NR3C1: variants seen among roughly 807,000 people sequenced by gnomAD.
The protein encoded by NR3C1 is nuclear receptor subfamily 3 group C member 1.
NR3C1 carries 14 observed loss-of-function variants against 74.0 expected under a neutral mutation model. The ratio of observed to expected loss-of-function variants is 0.19; its 90% CI spans 0.12 to 0.30. The LOEUF (loss-of-function observed/expected upper bound fraction) is 0.30. Ranked by LOEUF, NR3C1 falls within the 10% of genes least tolerant of loss-of-function variation. NR3C1 has a pLI of 1.00. For synonymous variants in NR3C1, 308 were observed against 332.5 expected (o/e 0.93, Z 0.80); for missense variants, 695 against 909.8 (o/e 0.76, Z 3.04).
At chr5:143,294,817 G>T in intron 7 of NR3C1, 1 of 644,130 alleles carries the variant, frequency 1.6e-6, no homozygotes, top group Non-Finnish European at 1.9e-6. Flanking sequence ...TGGCTTGACA[G>T]CTTATTTCTT....
rs933475358 is a variant in NR3C1, at chr5:143,403,631, G to A, written c.-434C>T. 6.6e-5 allele frequency: 65 copies of A among 985,964 alleles called. No homozygotes were observed. Among genetic ancestry groups the A allele is most frequent in the Non-Finnish European group, 7.6e-5 (63 of 830,530 alleles). 61.1% of individuals were successfully genotyped at this position (985,964 alleles called of 1,614,324 possible). ...GGGAAGAGAGCGCGGACACGCGAAA[G>A]GGCAGCCCGGCCTGGGCGAGCGAGC... On this transcript the variant is annotated 5_prime_UTR_variant, in exon 1 of 9. Coordinates refer to ENST00000394464, the MANE Select transcript of NR3C1 (RefSeq NM_000176.3).
chr5:143,325,071 C>A (rs1824267525), intron 2 of NR3C1, among the ~76,000 whole-genome samples: 1 of 152,120 alleles, frequency 6.6e-6, no homozygotes, highest in African/African-American at 2.4e-5. Context: ...CTCCAAAGTT[C>A]CAAAGTCGCT....
chr5:143,348,272 GA>G (rs1157194343), intron 2 of NR3C1, among the ~76,000 whole-genome samples: 3 of 152,176 alleles, frequency 2.0e-5, no homozygotes, highest in African/African-American at 7.2e-5. Context: ...AACACTCAGT[GA>G]ATGGGGCAGG....
chr5:143,372,952 T>C (rs1834477164), intron 2 of NR3C1, among the ~76,000 whole-genome samples: 1 of 152,144 alleles, frequency 6.6e-6, no homozygotes, highest in African/African-American at 2.4e-5. Context: ...AATGTCTGCA[T>C]TAAAACAAAA....
intron 2 of NR3C1, chr5:143,389,945 G>T: frequency 1.0e-6 from 1 of 978,324 alleles, no homozygotes; most frequent in Non-Finnish European, 1.2e-6. Flanking sequence ...ATCTTTTGGG[G>T]AGAAAGAACA....
rs537580788 is a variant in NR3C1 at position 143,388,391 on chromosome 5, A to G, written c.1184+11265T>C. Reference sequence around the variant, plus strand: ...GATTAGAAATATAATCCATTCCTATATATCTTTTTGGTTTATATGTTAAAT... The same window carrying G: ...GATTAGAAATATAATCCATTCCTATGTATCTTTTTGGTTTATATGTTAAAT... On this transcript the variant is annotated intron_variant, in intron 2 of 8. Transcript: ENST00000394464. Among the ~76,000 whole-genome samples the G allele has an allele frequency of 4.6e-5, 7 of 152,256 alleles. No individual in the cohort carries two copies. The South Asian group carries it at 6.2e-4, about 14-fold the overall frequency.
intron 2 of NR3C1, among the ~76,000 whole-genome samples, chr5:143,395,571 G>C (rs1328281865): frequency 6.6e-6 from 1 of 151,850 alleles, no homozygotes; most frequent in African/African-American, 2.4e-5. Context: ...AAGGGTAAAT[G>C]CTATTCAGCA....
chr5:143,356,841 A>G (rs914499756), intron 2 of NR3C1, among the ~76,000 whole-genome samples: 1 of 152,224 alleles, frequency 6.6e-6, no homozygotes, highest in African/African-American at 2.4e-5. Context: ...AATGAGAAAG[A>G]ATATACACAC....
At chr5:143,371,347 A>G (rs1398014148) in intron 2 of NR3C1, among the ~76,000 whole-genome samples, 1 of 152,222 alleles carries the variant, frequency 6.6e-6, no homozygotes, top group African/African-American at 2.4e-5. Context: ...CTTACAGCTA[A>G]AGCAGATTTT....
At chr5:143,434,268 C>T (rs952747777) in intron 1 of NR3C1, among the ~76,000 whole-genome samples, 4 of 152,180 alleles carry the variant, frequency 2.6e-5, no homozygotes, top group African/African-American at 9.7e-5. Flanking sequence ...GTTTTGTTCC[C>T]TGCTGTATCT....
At position 143,278,177 on chromosome 5, in the gene NR3C1, A is replaced by G. The variant is rs1417310415; in HGVS notation, c.*3712T>C. ...TATTCAGCATGAATAAAAAACTACA[A>G]CTTTTATTTTTAAACAGGAGTCACT... On this transcript the variant is annotated 3_prime_UTR_variant, in exon 9 of 9. Coordinates refer to ENST00000394464, the MANE Select transcript of NR3C1 (RefSeq NM_000176.3). 6.6e-6 allele frequency: 1 copy of G among 152,186 alleles called. No homozygotes were observed. Among genetic ancestry groups the G allele is most frequent in the Non-Finnish European group, 1.5e-5 (1 of 68,028 alleles). 9.4% of individuals were successfully genotyped at this position (152,186 alleles called of 1,614,324 possible).
chr5:143,354,539 C>T (rs1830764930), intron 2 of NR3C1, among the ~76,000 whole-genome samples: 1 of 152,094 alleles, frequency 6.6e-6, no homozygotes, highest in South Asian at 2.1e-4. Flanking sequence ...GGGAGACAGA[C>T]AGGGAATGGC....
intron 2 of NR3C1, among the ~76,000 whole-genome samples, chr5:143,397,164 A>C (rs1839378302): frequency 6.6e-6 from 1 of 151,880 alleles, no homozygotes; most frequent in Non-Finnish European, 1.5e-5. Flanking sequence ...CAGAGAATAA[A>C]GTGAGGATTT....
chr5:143,344,967 T>C (rs1472014254), intron 2 of NR3C1, among the ~76,000 whole-genome samples: 1 of 152,166 alleles, frequency 6.6e-6, no homozygotes, highest in African/African-American at 2.4e-5. Context: ...TGGCTCGTTC[T>C]TCCCATGTCT....
At chr5:143,422,027 T>C (rs1751262380) in intron 1 of NR3C1, among the ~76,000 whole-genome samples, 1 of 152,160 alleles carries the variant, frequency 6.6e-6, no homozygotes, top group South Asian at 2.1e-4. Context: ...CAGGTCTGCC[T>C]CTTTTTTAGC....
intron 2 of NR3C1, among the ~76,000 whole-genome samples, chr5:143,350,695 A>G (rs1600183954): frequency 6.6e-6 from 1 of 152,320 alleles, no homozygotes. Flanking sequence ...AAGCAACAGA[A>G]AAGGATGGGA....
intron 2 of NR3C1, among the ~76,000 whole-genome samples, chr5:143,394,787 C>T (rs1046149390): frequency 6.6e-6 from 1 of 151,800 alleles, no homozygotes; most frequent in Non-Finnish European, 1.5e-5. Context: ...TCCCTTGTAC[C>T]TATAGTCCTA....
chr5:143,308,228 C>A (rs1326709579), intron 4 of NR3C1, among the ~76,000 whole-genome samples: 1 of 152,026 alleles, frequency 6.6e-6, no homozygotes, highest in Non-Finnish European at 1.5e-5. Flanking sequence ...TGGGAGGCCA[C>A]GTTGGGAGGA....
intron 7 of NR3C1, among the ~76,000 whole-genome samples, chr5:143,290,606 C>T (rs1815664423): frequency 6.6e-6 from 1 of 152,150 alleles, no homozygotes; most frequent in Non-Finnish European, 1.5e-5. Context: ...GTCCCTCTGT[C>T]ACCCAGTTTG....
Sources: gnomAD v4.1 joint callset for allele counts (sites outside exome capture counted in the v4.1 genomes callset) on GRCh38, gnomAD v4.1.1 for gene constraint, MANE v1.5 for transcripts, NCBI Gene and HGNC (gene_info 2026-07-23, HGNC 2026-07-21) for gene names.